The following MACROD2 variants were observed in gnomAD, a reference collection of about 807,000 sequenced individuals.
MACROD2 encodes the protein ADP-ribose glycohydrolase MACROD2.
In MACROD2, 36 loss-of-function variants were observed where a neutral mutation model predicts 70.4. That is an observed-to-expected ratio of 0.51 (90% CI 0.39 to 0.68). The LOEUF (loss-of-function observed/expected upper bound fraction) is 0.68. Among genes scored for constraint, MACROD2 ranks in the 30% least tolerant of loss-of-function variants. The pLI is 0.00. For missense variants in MACROD2, 496 were observed against 538.4 expected (o/e 0.92, Z 0.78); for synonymous variants, 172 against 178.8 (o/e 0.96, Z 0.30).
chr20:14,848,386 C>T (rs1465100293), intron 5 of MACROD2, among the ~76,000 whole-genome samples: 1 of 152,150 alleles, frequency 6.6e-6, no homozygotes, highest in African/African-American at 2.4e-5. Flanking sequence ...TAGATCTTCT[C>T]AAGGCATCCT....
chr20:14,471,810 T>C (rs35511588), intron 3 of MACROD2, among the ~76,000 whole-genome samples: 22,632 of 151,784 alleles, frequency 0.15, 2,364 homozygotes, highest in Non-Finnish European at 0.21. Context: ...ACATGAAAAA[T>C]CTCTTCTAAA....
At chr20:14,578,127 G>T (rs1980735493) in intron 4 of MACROD2, among the ~76,000 whole-genome samples, 2 of 151,180 alleles carry the variant, frequency 1.3e-5, no homozygotes, top group Admixed American at 6.6e-5. Flanking sequence ...AGAGGAAAGA[G>T]AATTGTTTGT....
Position 15,866,761 on chromosome 20 carries a change from A to G in MACROD2, c.727+3935A>G, listed in dbSNP as rs192594606. Among the ~76,000 whole-genome samples the G allele has an allele frequency of 3.9e-5, 6 of 152,300 alleles. No homozygotes were observed. The East Asian group carries it at 7.7e-4, about 20-fold the overall frequency. ...CTAGTACCTATAAATACCTTCATGGAAACTTCTAATATGAGTTGAATTAGT... is the reference window on the plus strand; with the variant it reads ...CTAGTACCTATAAATACCTTCATGGGAACTTCTAATATGAGTTGAATTAGT... On this transcript the variant is annotated intron_variant, in intron 9 of 17. Coordinates refer to ENST00000684519, the MANE Select transcript of MACROD2 (RefSeq NM_001351661.2).
intron 5 of MACROD2, among the ~76,000 whole-genome samples, chr20:15,081,435 T>C (rs2075702841): frequency 6.6e-6 from 1 of 152,148 alleles, no homozygotes; most frequent in East Asian, 1.9e-4. Flanking sequence ...GAAGCTTAAA[T>C]TTATTTTTTC....
rs982349384 is a variant in MACROD2 at position 15,407,315 on chromosome 20, A to G, written c.541-24090A>G. Among the ~76,000 whole-genome samples, 5 of 152,124 alleles carry G rather than the reference A, an allele frequency of 3.3e-5. No individual in the cohort carries two copies. The South Asian group carries it at 1.0e-3, about 32-fold the overall frequency. ...CTTGCTAAATCACCCCTCAATGGAA[A>G]AGTTGTGTTCTACAGAGTTCCTCAG... On this transcript the variant is annotated intron_variant, in intron 6 of 17. Transcript: ENST00000684519.
chr20:14,177,170 A>G (rs1388017347), intron 3 of MACROD2, among the ~76,000 whole-genome samples: 5 of 152,208 alleles, frequency 3.3e-5, no homozygotes, highest in South Asian at 2.1e-4. Context: ...ATTAGATCCT[A>G]TATTTGTTGA....
chr20:14,646,821 C>T (rs1025179579), intron 4 of MACROD2, among the ~76,000 whole-genome samples: 1 of 152,006 alleles, frequency 6.6e-6, no homozygotes, highest in African/African-American at 2.4e-5. Context: ...TTTGAAGGTA[C>T]TGTATAATTG....
chr20:14,916,320 C>G (rs1600817896), intron 5 of MACROD2, among the ~76,000 whole-genome samples: 1 of 152,142 alleles, frequency 6.6e-6, no homozygotes, highest in South Asian at 2.1e-4. Flanking sequence ...CTTTATACCC[C>G]TAAAGCCTCA....
chr20:14,134,808 A>AAC (rs1569173800), intron 3 of MACROD2, among the ~76,000 whole-genome samples: 12 of 150,658 alleles, frequency 8.0e-5, no homozygotes, highest in African/African-American at 2.7e-4. Context: ...TGTCAAAAAA[A>AAC]AAAAAAAAAA....
chr20:14,740,110 A>C (rs575835481), intron 5 of MACROD2, among the ~76,000 whole-genome samples: 23 of 152,284 alleles, frequency 1.5e-4, no homozygotes, highest in African/African-American at 5.3e-4. Flanking sequence ...AAGTTCTTCA[A>C]ATAAATACTT....
intron 5 of MACROD2, among the ~76,000 whole-genome samples, chr20:15,100,936 C>T (rs1374293896): frequency 6.6e-6 from 1 of 152,040 alleles, no homozygotes; most frequent in Non-Finnish European, 1.5e-5. Flanking sequence ...AGAAAAAGAG[C>T]CACCAAGAAA....
chr20:15,363,428 C>T (rs763267073), intron 6 of MACROD2, among the ~76,000 whole-genome samples: 3 of 152,166 alleles, frequency 2.0e-5, no homozygotes, highest in East Asian at 3.9e-4. Flanking sequence ...GAGAAAGTTT[C>T]GAAAGGCACC....
chr20:15,393,366 A>G (rs1029340400), intron 6 of MACROD2, among the ~76,000 whole-genome samples: 1 of 152,276 alleles, frequency 6.6e-6, no homozygotes, highest in Admixed American at 6.5e-5. Context: ...CCCTTTCTCC[A>G]GATGTTTTTG....
At chr20:14,632,573 T>C (rs1320207248) in intron 4 of MACROD2, among the ~76,000 whole-genome samples, 1 of 151,936 alleles carries the variant, frequency 6.6e-6, no homozygotes, top group Non-Finnish European at 1.5e-5. Flanking sequence ...TTTTATGTTA[T>C]TATTGATAGT....
At chr20:15,318,169 C>G (rs1388374274) in intron 6 of MACROD2, among the ~76,000 whole-genome samples, 1 of 152,092 alleles carries the variant, frequency 6.6e-6, no homozygotes, top group Non-Finnish European at 1.5e-5. Flanking sequence ...TATAGACCTT[C>G]TACCACGAAA....
chr20:14,959,749 C>T (rs1378294437), intron 5 of MACROD2, among the ~76,000 whole-genome samples: 1 of 152,168 alleles, frequency 6.6e-6, no homozygotes, highest in Non-Finnish European at 1.5e-5. Context: ...TTTGTAAGCC[C>T]TATTCCATCT....
At chr20:15,141,188 A>G (rs2076189325) in intron 5 of MACROD2, among the ~76,000 whole-genome samples, 1 of 151,630 alleles carries the variant, frequency 6.6e-6, no homozygotes, top group South Asian at 2.1e-4. Flanking sequence ...GCATACAGGC[A>G]CTAGCATACA....
intron 3 of MACROD2, among the ~76,000 whole-genome samples, chr20:14,109,134 C>T (rs2054412637): frequency 6.6e-6 from 1 of 151,962 alleles, no homozygotes; most frequent in Non-Finnish European, 1.5e-5. Flanking sequence ...TATACAAACA[C>T]ATGGAAATTA....
At chr20:15,838,895 A>G (rs532696692) in intron 8 of MACROD2, among the ~76,000 whole-genome samples, 28 of 149,624 alleles carry the variant, frequency 1.9e-4, no homozygotes, top group Middle Eastern at 3.4e-3. Flanking sequence ...GTCAGTTAGT[A>G]TAAGAGGTAC....
Sources: allele counts gnomAD v4.1 joint callset (sites outside exome capture counted in the v4.1 genomes callset), GRCh38; gene constraint gnomAD v4.1.1; transcripts MANE v1.5; gene names NCBI Gene and HGNC (gene_info 2026-07-23, HGNC 2026-07-21).